Variants in SEC24D observed in about 807,000 individuals in gnomAD.
The protein encoded by SEC24D is SEC24 homolog D, COPII component.
Under a neutral mutation model 116.9 loss-of-function variants are expected in SEC24D, and 69 were observed. That is an observed-to-expected ratio of 0.59 (90% CI 0.49 to 0.72). The LOEUF is 0.72. Ranked by LOEUF, SEC24D falls within the 30% of genes least tolerant of loss-of-function variation. The pLI is 0.00. For missense variants in SEC24D, 1,131 were observed against 1,264.1 expected (o/e 0.89, Z 1.60); for synonymous variants, 405 against 442.8 (o/e 0.91, Z 1.07).
intron 12 of SEC24D, among the ~76,000 whole-genome samples, 178 bp from the exon 13 acceptor site, chr4:118,752,267 G>T (rs535470149): frequency 1.3e-5 from 2 of 152,240 alleles, no homozygotes; most frequent in Admixed American, 1.3e-4. Flanking sequence ...CAAAATCTAT[G>T]ATTTGAATGG....
In SEC24D at chr4:118,752,041, C is replaced by T. The variant is rs150123486; in HGVS notation, c.1662G>A (p.Glu554=). Residue 554 remains glutamate, a synonymous_variant, in exon 13 of 23, where the codon GAG becomes GAA. Coordinates refer to ENST00000280551, the MANE Select transcript of SEC24D (RefSeq NM_014822.4). ...CCTGGATGACAGGAGCAAAGACAGT[C>T]TCATTTTCATTAGAGTCTGCAAACA... ...PDMFADSNEN[E]TVFAPVIQAG... The T allele has an allele frequency of 1.1e-4, 183 of 1,613,370 alleles. 2 individuals are homozygous for T. The African/African-American group carries it at 2.0e-3, about 18-fold the overall frequency.
chr4:118,773,141 C>CT (rs374793038), intron 8 of SEC24D, among the ~76,000 whole-genome samples: 2 of 151,970 alleles, frequency 1.3e-5, no homozygotes, highest in East Asian at 1.9e-4. Flanking sequence ...CTTCCTCCCC[C>CT]TTTTTTTTCT....
intron 8 of SEC24D, among the ~76,000 whole-genome samples, chr4:118,791,466 G>T (rs1279179829): frequency 2.0e-5 from 3 of 152,116 alleles, no homozygotes; most frequent in African/African-American, 7.2e-5. Flanking sequence ...GGATAAGTAG[G>T]TTAATGTGAT....
chr4:118,749,486 A>C (rs1268196910), intron 13 of SEC24D, among the ~76,000 whole-genome samples: 2 of 152,184 alleles, frequency 1.3e-5, no homozygotes, highest in Non-Finnish European at 2.9e-5. Context: ...ACTGTTCTGA[A>C]ATGTTTTCAC....
At chr4:118,812,751 A>G (rs930150074) in intron 6 of SEC24D, among the ~76,000 whole-genome samples, 1 of 152,206 alleles carries the variant, frequency 6.6e-6, no homozygotes, top group Non-Finnish European at 1.5e-5. Flanking sequence ...CTTCCAGTAC[A>G]GCAAGGCAAA....
At chr4:118,792,108 A>G (rs13105145) in intron 8 of SEC24D, among the ~76,000 whole-genome samples, 43,400 of 144,388 alleles carry the variant, frequency 0.3, 6,889 homozygotes, top group Non-Finnish European at 0.37. Context: ...GCCCCGTCTG[A>G]GATGTGAAGA....
intron 8 of SEC24D, among the ~76,000 whole-genome samples, chr4:118,771,305 C>T (rs897865467): frequency 6.6e-6 from 1 of 152,046 alleles, no homozygotes; most frequent in African/African-American, 2.4e-5. Flanking sequence ...TAATATTTAG[C>T]TCTTAGTATA....
At chr4:118,796,740 A>C (rs554049796) in intron 8 of SEC24D, among the ~76,000 whole-genome samples, 1 of 152,174 alleles carries the variant, frequency 6.6e-6, no homozygotes, top group Non-Finnish European at 1.5e-5. Context: ...AAAGGGAACG[A>C]ATCTGTTTGC....
At chr4:118,749,865 G>A (rs1234979982) in intron 13 of SEC24D, among the ~76,000 whole-genome samples, 2 of 152,122 alleles carry the variant, frequency 1.3e-5, no homozygotes, top group Non-Finnish European at 2.9e-5. Context: ...ACGTCCAACA[G>A]TGTCACTTTG....
At chr4:118,819,593 C>T (rs1157210750) in intron 3 of SEC24D, among the ~76,000 whole-genome samples, 1 of 148,292 alleles carries the variant, frequency 6.7e-6, no homozygotes, top group Admixed American at 6.7e-5. Flanking sequence ...TACACACAGG[C>T]AGAATATACA....
intron 7 of SEC24D, among the ~76,000 whole-genome samples, 156 bp downstream of exon 7, chr4:118,805,687 T>C (rs1729645936): frequency 6.6e-6 from 1 of 152,222 alleles, no homozygotes; most frequent in Non-Finnish European, 1.5e-5. Context: ...GTTGATAGCA[T>C]CCTCTTGGTA....
intron 8 of SEC24D, among the ~76,000 whole-genome samples, chr4:118,773,956 G>C (rs1728024353): frequency 6.6e-6 from 1 of 151,894 alleles, no homozygotes; most frequent in African/African-American, 2.4e-5. Flanking sequence ...AATATTTTCT[G>C]AATTAAAAAA....
intron 8 of SEC24D, among the ~76,000 whole-genome samples, chr4:118,795,630 T>C (rs896232590): frequency 1.3e-5 from 2 of 152,194 alleles, no homozygotes; most frequent in Non-Finnish European, 2.9e-5. Flanking sequence ...TTTAAAACGT[T>C]ATGCTGAGTA....
chr4:118,738,112 C>A (rs757911618), intron 19 of SEC24D, 149 bp downstream of exon 19: 4 of 569,924 alleles, frequency 7.0e-6, no homozygotes, highest in Admixed American at 6.5e-5. Context: ...CACAGCCCCC[C>A]CAAATTGCAT....
At chr4:118,819,905 T>A (rs1364618522) in intron 3 of SEC24D, among the ~76,000 whole-genome samples, 1 of 152,202 alleles carries the variant, frequency 6.6e-6, no homozygotes, top group Non-Finnish European at 1.5e-5. Flanking sequence ...TATATAACCA[T>A]CAGTTATTAC....
At chr4:118,793,438 G>A (rs1729030511) in intron 8 of SEC24D, among the ~76,000 whole-genome samples, 1 of 136,064 alleles carries the variant, frequency 7.3e-6, no homozygotes, top group African/African-American at 2.8e-5. Flanking sequence ...CTGCACTCCA[G>A]CCTGGGCGAC....
At chr4:118,800,651 G>C (rs759246925) in intron 7 of SEC24D, among the ~76,000 whole-genome samples, 2 of 152,162 alleles carry the variant, frequency 1.3e-5, no homozygotes, top group Non-Finnish European at 2.9e-5. Flanking sequence ...CAACAAGGGT[G>C]ATAATAATAA....
intron 10 of SEC24D, among the ~76,000 whole-genome samples, chr4:118,761,161 G>GCT (rs1260253939): frequency 1.3e-5 from 2 of 152,096 alleles, no homozygotes; most frequent in African/African-American, 4.8e-5. Flanking sequence ...ACTGTCTGAT[G>GCT]CTCAATACAG....
intron 6 of SEC24D, among the ~76,000 whole-genome samples, chr4:118,811,336 C>T (rs116246794): frequency 0.044 from 6,653 of 152,186 alleles, 196 homozygotes; most frequent in Non-Finnish European, 0.064. Flanking sequence ...AATTTAAGTT[C>T]GTTTTCAAAG....
Sources: allele counts gnomAD v4.1 joint callset (sites outside exome capture counted in the v4.1 genomes callset), GRCh38; gene constraint gnomAD v4.1.1; transcripts MANE v1.5; gene names NCBI Gene and HGNC (gene_info 2026-07-23, HGNC 2026-07-21).